EPHA3: variants seen among roughly 807,000 people sequenced by gnomAD.
EPHA3 encodes the protein EPH receptor A3, also known as ephrin type-A receptor 3.
Under a neutral mutation model 107.1 loss-of-function variants are expected in EPHA3, and 42 were observed. That is an observed-to-expected ratio of 0.39 (90% CI 0.31 to 0.51). The LOEUF is 0.51. EPHA3 is among the 20% of genes least tolerant of loss of function. The pLI is 0.78. For synonymous variants in EPHA3, 461 were observed against 424.8 expected (o/e 1.09, Z -1.05); for missense variants, 1,183 against 1,211.2 (o/e 0.98, Z 0.35).
chr3:89,340,485 T>C (rs1444879607), intron 3 of EPHA3, among the ~76,000 whole-genome samples: 1 of 152,230 alleles, frequency 6.6e-6, no homozygotes, highest in Non-Finnish European at 1.5e-5. Context: ...TGGGACGAAG[T>C]TGTACCCACA....
chr3:89,177,231 C>T (rs1016032000), intron 2 of EPHA3, among the ~76,000 whole-genome samples: 3 of 152,138 alleles, frequency 2.0e-5, no homozygotes, highest in South Asian at 2.1e-4. Context: ...GGACAGAATG[C>T]TGGTTAGCTA....
intron 13 of EPHA3, among the ~76,000 whole-genome samples, chr3:89,447,776 T>C (rs1709904862): frequency 6.6e-6 from 1 of 152,138 alleles, no homozygotes; most frequent in Non-Finnish European, 1.5e-5. Context: ...ACATAAATAC[T>C]CTGAACCAGG....
At chr3:89,386,185 C>A (rs2107491846) in intron 5 of EPHA3, among the ~76,000 whole-genome samples, 1 of 152,268 alleles carries the variant, frequency 6.6e-6, no homozygotes, top group Non-Finnish European at 1.5e-5. Context: ...TTCAAGCTGG[C>A]TGCATAAATT....
chr3:89,359,607 G>T lies in EPHA3; in HGVS notation c.1306+17517G>T, dbSNP rs1708042909. Reference sequence around the variant, plus strand: ...TTTTTTAAATTGTGATACATTTTCAGATAATATATATTCCTCTACTATCAG... The same window carrying T: ...TTTTTTAAATTGTGATACATTTTCATATAATATATATTCCTCTACTATCAG... On this transcript the variant is annotated intron_variant, in intron 5 of 16. Transcript: ENST00000336596. Among the ~76,000 whole-genome samples, 5 of 149,428 alleles carry T rather than the reference G, an allele frequency of 3.3e-5. No individual in the cohort carries two copies. The South Asian group carries it at 1.0e-3, about 31-fold the overall frequency.
intron 3 of EPHA3, among the ~76,000 whole-genome samples, chr3:89,245,676 C>A (rs532145586): frequency 1.3e-5 from 2 of 152,166 alleles, no homozygotes; most frequent in Non-Finnish European, 2.9e-5. Flanking sequence ...CTCTGAAGTG[C>A]GAATTAAATC....
Position 89,270,576 on chromosome 3 carries a change from T to A in EPHA3, c.814+60056T>A, listed in dbSNP as rs74433623. On this transcript the variant is annotated intron_variant, in intron 3 of 16. Coordinates refer to ENST00000336596, the MANE Select transcript of EPHA3 (RefSeq NM_005233.6). ...ACCATAAATAATTAAATGCATGACC[T>A]CTCTTATTGAGTGTTTCTTTTCATT... Among the ~76,000 whole-genome samples the A allele has an allele frequency of 5.6e-3, 847 of 152,230 alleles. 4 individuals are homozygous for A. Among genetic ancestry groups the A allele is most frequent in the African/African-American group, 0.016 (664 of 41,564 alleles).
intron 11 of EPHA3, among the ~76,000 whole-genome samples, chr3:89,422,368 C>A (rs1214678732): frequency 1.3e-5 from 2 of 151,284 alleles, no homozygotes; most frequent in African/African-American, 2.4e-5. Context: ...CACACACACA[C>A]AACTAGAGTG....
chr3:89,274,161 A>C (rs1258406711), intron 3 of EPHA3, among the ~76,000 whole-genome samples: 1 of 145,970 alleles, frequency 6.9e-6, no homozygotes, highest in Non-Finnish European at 1.5e-5. Context: ...GTGAATTTGC[A>C]AATACAAAGT....
chr3:89,158,701 A>G (rs747241081), intron 2 of EPHA3, among the ~76,000 whole-genome samples: 1 of 152,106 alleles, frequency 6.6e-6, no homozygotes, highest in African/African-American at 2.4e-5. Context: ...CATATTTTAC[A>G]GTGGGCCTCT....
chr3:89,436,362 A>T (rs898412366), intron 13 of EPHA3, among the ~76,000 whole-genome samples: 2 of 152,218 alleles, frequency 1.3e-5, no homozygotes, highest in Non-Finnish European at 1.5e-5. Flanking sequence ...GTTAATCTGC[A>T]TTAAAAAGTC....
At chr3:89,346,674 A>G (rs1023078243) in intron 5 of EPHA3, among the ~76,000 whole-genome samples, 6 of 150,868 alleles carry the variant, frequency 4.0e-5, no homozygotes, top group African/African-American at 1.5e-4. Flanking sequence ...TTTGGTGTTT[A>G]GACATGAAGT....
intron 5 of EPHA3, among the ~76,000 whole-genome samples, chr3:89,393,673 A>G (rs1442688872): frequency 6.6e-6 from 1 of 152,196 alleles, no homozygotes; most frequent in Non-Finnish European, 1.5e-5. Context: ...AGATTTCCTC[A>G]TTGTAGAAAA....
intron 3 of EPHA3, among the ~76,000 whole-genome samples, chr3:89,333,759 C>A (rs1227683293): frequency 6.6e-6 from 1 of 151,962 alleles, no homozygotes; most frequent in Non-Finnish European, 1.5e-5. Context: ...GTAGTCCCAG[C>A]TACCTGGGAG....
chr3:89,371,883 A>T (rs1358948522), intron 5 of EPHA3, among the ~76,000 whole-genome samples: 2 of 151,622 alleles, frequency 1.3e-5, no homozygotes, highest in Admixed American at 1.3e-4. Context: ...AAATGACTCA[A>T]CATTTGAAGA....
chr3:89,324,444 A>G (rs1707119806), intron 3 of EPHA3, among the ~76,000 whole-genome samples: 1 of 151,838 alleles, frequency 6.6e-6, no homozygotes, highest in African/African-American at 2.4e-5. Flanking sequence ...GCTGTGGCTC[A>G]CGCTTGTGCT....
intron 5 of EPHA3, among the ~76,000 whole-genome samples, chr3:89,385,581 T>G (rs950859911): frequency 5.3e-5 from 8 of 152,200 alleles, no homozygotes; most frequent in Non-Finnish European, 1.2e-4. Context: ...ATTAACCCAC[T>G]TTCCTTTATA....
chr3:89,298,158 C>T (rs1233220577), intron 3 of EPHA3, among the ~76,000 whole-genome samples: 1 of 152,178 alleles, frequency 6.6e-6, no homozygotes, highest in African/African-American at 2.4e-5. Context: ...AAATCCCATG[C>T]CTCTACTACA....
intron 15 of EPHA3, among the ~76,000 whole-genome samples, chr3:89,466,988 G>T (rs1321485815): frequency 6.6e-6 from 1 of 151,980 alleles, no homozygotes; most frequent in African/African-American, 2.4e-5. Flanking sequence ...TAAACACAAT[G>T]ACTTTATTTC....
intron 5 of EPHA3, among the ~76,000 whole-genome samples, chr3:89,368,400 G>A (rs1369575668): frequency 6.7e-6 from 1 of 150,258 alleles, no homozygotes; most frequent in Non-Finnish European, 1.5e-5. Context: ...ATTTATGATG[G>A]GAATTTGTTT....
Sources: allele counts gnomAD v4.1 joint callset (sites outside exome capture counted in the v4.1 genomes callset), GRCh38; gene constraint gnomAD v4.1.1; transcripts MANE v1.5; gene names NCBI Gene and HGNC (gene_info 2026-07-23, HGNC 2026-07-21).